The following AZGP1 variants were observed in gnomAD, a reference collection of about 807,000 sequenced individuals.
AZGP1 encodes the protein alpha-2-glycoprotein 1, zinc-binding, also known as zinc-alpha-2-glycoprotein.
AZGP1 carries 28 observed loss-of-function variants against 31.5 expected under a neutral mutation model. That is an observed-to-expected ratio of 0.89 (90% CI 0.66 to 1.22). The LOEUF is 1.22. Among genes scored for constraint, AZGP1 ranks in the 50% most tolerant of loss-of-function variants. The probability of loss-of-function intolerance (pLI) is 0.00; values close to 1 mark genes in which losing one functional copy is unlikely to be tolerated. For synonymous variants in AZGP1, 135 were observed against 145.4 expected, an observed-to-expected ratio of 0.93 and a Z score of 0.51; for missense variants, 361 against 371.8, an observed-to-expected ratio of 0.97 and a Z score of 0.24.
At chr7:99,973,209 T>C (rs1299286869) in intron 1 of AZGP1, among the ~76,000 whole-genome samples, 1 of 152,018 alleles carries the variant, frequency 6.6e-6, no homozygotes, top group East Asian at 1.9e-4. Flanking sequence ...ATTCAAGAAA[T>C]GACCCAGACT....
chr7:99,967,530 C>G, intron 3 of AZGP1: 1 of 565,426 alleles, frequency 1.8e-6, no homozygotes, highest in Non-Finnish European at 3.2e-6. Context: ...CCGTGTGCTT[C>G]TCCATGTTTT....
chr7:99,969,814 C>G (rs1789550049), intron 2 of AZGP1, among the ~76,000 whole-genome samples: 1 of 152,186 alleles, frequency 6.6e-6, no homozygotes, highest in Admixed American at 6.5e-5. Context: ...TAACCCTAAT[C>G]TGATCACTTC....
chr7:99,969,989 T>C (rs898703694), intron 2 of AZGP1, among the ~76,000 whole-genome samples: 1 of 152,200 alleles, frequency 6.6e-6, no homozygotes, highest in Non-Finnish European at 1.5e-5. Context: ...TTGGTGCTGT[T>C]GGCATAGACT....
In AZGP1 at chr7:99,968,254, G is replaced by C; in HGVS notation, c.514C>G (p.Pro172Ala). The C allele has an allele frequency of 6.2e-7, 1 of 1,613,800 alleles. No individual in the cohort carries two copies. Reference protein sequence around the residue: ...QITKQKWEAEPVYVQRAKAYL... With the variant: ...QITKQKWEAEAVYVQRAKAYL... The stretch of plus-strand genomic sequence containing the variant: ...GCCTTGGCCCGCTGCACGTAGACTG[G>C]TTCTGCCTCCCACTTCTGCTTGGTT... The change falls in exon 3 of 4, where the codon CCA (proline) becomes GCA (alanine). Residue 172 changes from proline to alanine, a missense_variant. Pro to Ala is a conservative substitution (Grantham distance 27, BLOSUM62 -1). Coordinates refer to ENST00000292401, the MANE Select transcript of AZGP1 (RefSeq NM_001185.4).
chr7:99,970,834 C>T (rs1355146828), intron 2 of AZGP1, among the ~76,000 whole-genome samples: 1 of 152,180 alleles, frequency 6.6e-6, no homozygotes. Context: ...CATCTTTTGA[C>T]ACCCACTCTA....
intron 1 of AZGP1, 130 bp from the exon 2 acceptor site, chr7:99,972,136 A>G: frequency 1.9e-6 from 2 of 1,051,578 alleles, no homozygotes; most frequent in Non-Finnish European, 2.7e-6. Context: ...TCAACTTCAC[A>G]CCACTGGAGG....
Position 99,966,833 on chromosome 7 carries a change from G to T in AZGP1, c.*170C>A. On this transcript the variant is annotated 3_prime_UTR_variant, in exon 4 of 4. Transcript: ENST00000292401. Reference sequence around the variant, plus strand: ...ATTTTTTGGGTCCAAGTCTACTCAAGACAGGCATCCCAGTCTTCGGTCTCC... The same window carrying T: ...ATTTTTTGGGTCCAAGTCTACTCAATACAGGCATCCCAGTCTTCGGTCTCC... The T allele has an allele frequency of 1.9e-6, 2 of 1,030,992 alleles. No homozygotes were observed. Among genetic ancestry groups the T allele is most frequent in the Non-Finnish European group, 2.8e-6 (2 of 714,264 alleles). The allele number at this position is 1,030,992 out of a possible 1,614,324, so 63.9% of individuals were successfully genotyped here.
chr7:99,972,018 A>G lies in AZGP1; in HGVS notation c.77-12T>C. On this transcript the variant is annotated splice_polypyrimidine_tract_variant and intron_variant, in intron 1 of 3. Transcript: ENST00000292401. Reference sequence around the variant, plus strand: ...CAGAGAGTAACGACCTGCAAAAGAAAAGATTCTGATGGTTGAGGTCCATGC... The same window carrying G: ...CAGAGAGTAACGACCTGCAAAAGAAGAGATTCTGATGGTTGAGGTCCATGC... The G allele has an allele frequency of 6.3e-7, 1 of 1,595,442 alleles. No individual in the cohort carries two copies. Among genetic ancestry groups the G allele is most frequent in the Non-Finnish European group, 8.6e-7 (1 of 1,169,470 alleles).
intron 1 of AZGP1, among the ~76,000 whole-genome samples, chr7:99,975,355 C>G (rs186425663): frequency 7.5e-4 from 114 of 152,246 alleles, no homozygotes; most frequent in Admixed American, 7.3e-3. Flanking sequence ...ATGTCTTTAT[C>G]CTGCACATTC....
intron 2 of AZGP1, among the ~76,000 whole-genome samples, chr7:99,971,130 T>G (rs2527910): frequency 0.61 from 93,281 of 152,054 alleles, 30,455 homozygotes; most frequent in East Asian, 0.87. Flanking sequence ...TTTTCTCTGT[T>G]GATTCCACAA....
At chr7:99,972,559 T>A (rs1789595908) in intron 1 of AZGP1, among the ~76,000 whole-genome samples, 1 of 152,182 alleles carries the variant, frequency 6.6e-6, no homozygotes, top group Non-Finnish European at 1.5e-5. Flanking sequence ...ATGCCTGTAA[T>A]CCCAGGACTT....
intron 3 of AZGP1, chr7:99,967,501 G>T: frequency 3.4e-6 from 2 of 594,242 alleles, no homozygotes; most frequent in Non-Finnish European, 6.0e-6. Context: ...GACTCTGACG[G>T]CAATAAGTTG....
intron 2 of AZGP1, 186 bp downstream of exon 2, chr7:99,971,560 T>C (rs1302593268): frequency 1.5e-6 from 1 of 664,430 alleles, no homozygotes; most frequent in Non-Finnish European, 2.4e-6. Context: ...GGGCAATTGA[T>C]GGGGAAGCGG....
At chr7:99,967,567 C>T in intron 3 of AZGP1, 2 of 516,912 alleles carry the variant, frequency 3.9e-6, no homozygotes, top group Non-Finnish European at 7.0e-6. Context: ...CTTTGGAGTT[C>T]TGTCCCCCAG....
intron 2 of AZGP1, among the ~76,000 whole-genome samples, chr7:99,969,432 GGAGTAGT>G (rs1214292098): frequency 6.7e-6 from 1 of 148,474 alleles, no homozygotes; most frequent in Non-Finnish European, 1.5e-5. Flanking sequence ...AAATTAACCA[GGAGTAGT>G]GACACATGCC....
chr7:99,972,630 T>G (rs1401496945), intron 1 of AZGP1, among the ~76,000 whole-genome samples: 1 of 152,010 alleles, frequency 6.6e-6, no homozygotes, highest in East Asian at 1.9e-4. Flanking sequence ...CTGGCCAACA[T>G]GGTGAAACCC....
In AZGP1 at chr7:99,966,925, C is replaced by A. The variant is rs1024299903; in HGVS notation, c.*78G>T. ...CTTGTGGATCCATTGACTGTGATTT[C>A]TGTGGTTCAGCTCCCACATCAGGCA... On this transcript the variant is annotated 3_prime_UTR_variant, in exon 4 of 4. Transcript: ENST00000292401. The A allele has an allele frequency of 1.3e-6, 2 of 1,535,880 alleles. No individual in the cohort carries two copies. Among genetic ancestry groups the A allele is most frequent in the African/African-American group, 2.7e-5 (2 of 73,200 alleles).
At chr7:99,972,047 G>T (rs1039377414) in intron 1 of AZGP1, 41 bp from the exon 2 acceptor site, 1 of 1,562,262 alleles carries the variant, frequency 6.4e-7, no homozygotes, top group South Asian at 1.2e-5. Flanking sequence ...TCCATGCAAG[G>T]GTCCCACTGT....
At chr7:99,969,408 T>TA (rs3033213) in intron 2 of AZGP1, among the ~76,000 whole-genome samples, 75,075 of 141,338 alleles carry the variant, frequency 0.53, 20,521 homozygotes, top group African/African-American at 0.69. Context: ...GACTCAGTCT[T>TA]AAAAAAAAAA....
Sources: gnomAD v4.1 joint callset for allele counts (sites outside exome capture counted in the v4.1 genomes callset) on GRCh38, gnomAD v4.1.1 for gene constraint, MANE v1.5 for transcripts, NCBI Gene and HGNC (gene_info 2026-07-23, HGNC 2026-07-21) for gene names.